The following MME variants were observed in gnomAD, a reference collection of about 807,000 sequenced individuals.
The protein encoded by MME is membrane metalloendopeptidase, also known as neprilysin.
In MME, 98 loss-of-function variants were observed where a neutral mutation model predicts 113.2. That is an observed-to-expected ratio of 0.87 (90% confidence interval 0.74 to 1.02). The LOEUF (loss-of-function observed/expected upper bound fraction) is 1.02. MME is among the 50% of genes least tolerant of loss of function. The pLI is 0.00. For missense variants in MME, 836 were observed against 896.0 expected (o/e 0.93, Z 0.86); for synonymous variants, 292 against 300.6 (o/e 0.97, Z 0.30).
chr3:155,063,571 AT>A (rs1714257780), intron 1 of MME, among the ~76,000 whole-genome samples: 2 of 81,004 alleles, frequency 2.5e-5, no homozygotes, highest in East Asian at 3.6e-4. Flanking sequence ...AATATAATAT[AT>A]TTTATTAATA....
At chr3:155,068,784 G>A (rs1338791318) in intron 1 of MME, among the ~76,000 whole-genome samples, 1 of 152,134 alleles carries the variant, frequency 6.6e-6, no homozygotes, top group Non-Finnish European at 1.5e-5. Context: ...AATGAATTGA[G>A]ATCAAGAAAA....
intron 1 of MME, among the ~76,000 whole-genome samples, chr3:155,045,210 G>A (rs1713514392): frequency 2.0e-5 from 3 of 151,526 alleles, no homozygotes; most frequent in Admixed American, 2.0e-4. Flanking sequence ...GAGTGCAATG[G>A]CACGGTCTTG....
chr3:155,135,781 G>A (rs898036820), intron 8 of MME, among the ~76,000 whole-genome samples: 5 of 151,954 alleles, frequency 3.3e-5, no homozygotes, highest in Admixed American at 2.0e-4. Context: ...AAATATTTTT[G>A]TTTGTTTGCT....
At chr3:155,080,214 G>A (rs1714994061), upstream of MME, 2 of 152,816 alleles carry the variant, frequency 1.3e-5, no homozygotes, top group East Asian at 3.9e-4. Flanking sequence ...CTGGGAAGGA[G>A]CCGCTACTGG....
chr3:155,173,256 A>G (rs766480590), intron 22 of MME, among the ~76,000 whole-genome samples: 8 of 151,986 alleles, frequency 5.3e-5, no homozygotes, highest in Non-Finnish European at 1.0e-4. Flanking sequence ...CTGAATTCCT[A>G]ATGCTACCCC....
intron 1 of MME, among the ~76,000 whole-genome samples, chr3:155,030,965 T>C (rs969523721): frequency 1.3e-5 from 2 of 152,206 alleles, no homozygotes; most frequent in African/African-American, 4.8e-5. Flanking sequence ...ATAAGACTGG[T>C]TCCCTGATAG....
chr3:155,077,091 T>C (rs1714772989), upstream of MME, among the ~76,000 whole-genome samples: 1 of 152,192 alleles, frequency 6.6e-6, no homozygotes, highest in African/African-American at 2.4e-5. Context: ...GGTCTCAGCC[T>C]TATTTTACCC....
chr3:155,087,181 A>C (rs966577562), intron 3 of MME, among the ~76,000 whole-genome samples: 1 of 151,660 alleles, frequency 6.6e-6, no homozygotes, highest in Non-Finnish European at 1.5e-5. Flanking sequence ...TGAACTTTGC[A>C]AAAAAATGAC....
At chr3:155,113,251 A>T (rs1403866461) in intron 3 of MME, among the ~76,000 whole-genome samples, 1 of 152,148 alleles carries the variant, frequency 6.6e-6, no homozygotes, top group Non-Finnish European at 1.5e-5. Context: ...TGATACGTTT[A>T]TTCTGGTAAA....
At chr3:155,047,828 C>T (rs535331917) in intron 1 of MME, among the ~76,000 whole-genome samples, 4 of 152,196 alleles carry the variant, frequency 2.6e-5, no homozygotes, top group South Asian at 2.1e-4. Context: ...AGAAGCCAGT[C>T]CGATTCAGGC....
intron 1 of MME, among the ~76,000 whole-genome samples, chr3:155,035,759 G>C (rs1486432849): frequency 6.6e-6 from 1 of 152,118 alleles, no homozygotes; most frequent in Non-Finnish European, 1.5e-5. Context: ...AAGTGGAGGG[G>C]AGAGGCTGCA....
At chr3:155,117,707 T>A (rs1718745546) in intron 7 of MME, among the ~76,000 whole-genome samples, 1 of 151,624 alleles carries the variant, frequency 6.6e-6, no homozygotes, top group Admixed American at 6.6e-5. Context: ...TTATGGTCGT[T>A]TTTGTTAAAA....
intron 20 of MME, among the ~76,000 whole-genome samples, chr3:155,171,825 T>A (rs1712005625): frequency 6.6e-6 from 1 of 152,204 alleles, no homozygotes; most frequent in Admixed American, 6.6e-5. Context: ...AGATAAGTTT[T>A]TCATCACTTA....
At chr3:155,140,499 G>A (rs760981719) in intron 10 of MME, among the ~76,000 whole-genome samples, 2 of 135,786 alleles carry the variant, frequency 1.5e-5, no homozygotes, top group African/African-American at 2.8e-5. Context: ...TCACTGTAAC[G>A]TCCACCTCCC....
At chr3:155,026,749 A>G (rs1385224627) in intron 1 of MME, among the ~76,000 whole-genome samples, 1 of 152,132 alleles carries the variant, frequency 6.6e-6, no homozygotes, top group East Asian at 1.9e-4. Flanking sequence ...CAGAAAAGCA[A>G]GCAAGAAAGA....
At chr3:155,052,444 G>A (rs112934381) in intron 1 of MME, among the ~76,000 whole-genome samples, 3,893 of 152,356 alleles carry the variant, frequency 0.026, 77 homozygotes, top group South Asian at 0.088. Flanking sequence ...TCTAGGCAGA[G>A]GTTCTCAAAG....
At chr3:155,116,056 C>T (rs554803427) in intron 4 of MME, among the ~76,000 whole-genome samples, 5 of 151,940 alleles carry the variant, frequency 3.3e-5, no homozygotes, top group Non-Finnish European at 7.4e-5. Flanking sequence ...GGTACAGTCA[C>T]ACAAAGATAA....
chr3:155,114,918 A>T, intron 3 of MME, 76 bp from the exon 4 acceptor site: 1 of 1,465,446 alleles, frequency 6.8e-7, no homozygotes, highest in South Asian at 1.1e-5. Flanking sequence ...AAAGGGAGCA[A>T]TAAGCCTTTT....
At chr3:155,032,452 TCTCTAGAAA>T in intron 1 of MME, among the ~76,000 whole-genome samples, 1 of 152,114 alleles carries the variant, frequency 6.6e-6, no homozygotes, top group Non-Finnish European at 1.5e-5. Context: ...GTCAGCAAAA[TCTCTAGAAA>T]ATAACCAATG....
Sources: allele counts gnomAD v4.1 joint callset (sites outside exome capture counted in the v4.1 genomes callset), GRCh38; gene constraint gnomAD v4.1.1; transcripts MANE v1.5; gene names NCBI Gene and HGNC (gene_info 2026-07-23, HGNC 2026-07-21).